The following POLR3B variants were observed in gnomAD, a reference collection of about 807,000 sequenced individuals.
The protein encoded by POLR3B is DNA-directed RNA polymerase III subunit RPC2.
A neutral mutation model predicts 147.4 loss-of-function variants in POLR3B; 96 were observed. The ratio of observed to expected loss-of-function variants is 0.65; its 90% confidence interval spans 0.55 to 0.77. POLR3B has a LOEUF of 0.77. Among genes scored for constraint, POLR3B ranks in the 30% least tolerant of loss-of-function variants. POLR3B has a pLI of 0.00. For synonymous variants in POLR3B, 461 were observed against 485.9 expected, an observed-to-expected ratio of 0.95 and a Z score of 0.67; for missense variants, 1,036 against 1,413.5, an observed-to-expected ratio of 0.73 and a Z score of 4.28.
Position 106,499,379 on chromosome 12 carries a change from C to T in POLR3B, c.2985-1944C>T, listed in dbSNP as rs576493031. The stretch of plus-strand genomic sequence containing the variant: ...TTAGTCTATATCCCAGTCCACACTG[C>T]CTTCCCCTATGCCCCCAGCCAGAGT... On this transcript the variant is annotated intron_variant, in intron 25 of 27. Transcript: ENST00000228347. Among the ~76,000 whole-genome samples the T allele has an allele frequency of 5.9e-5, 9 of 152,320 alleles. No homozygotes were observed. The South Asian group carries it at 1.9e-3, about 32-fold the overall frequency.
intron 9 of POLR3B, among the ~76,000 whole-genome samples, chr12:106,386,032 T>TA (rs1229764751): frequency 1.3e-5 from 2 of 152,196 alleles, no homozygotes. Context: ...TTTATGTACA[T>TA]ACTGATGAAT....
At chr12:106,377,350 GT>G (rs759774595) in intron 7 of POLR3B, among the ~76,000 whole-genome samples, 10 of 152,138 alleles carry the variant, frequency 6.6e-5, no homozygotes, top group Non-Finnish European at 1.5e-4. Context: ...AATCCCAGAA[GT>G]TTTGGAAAGA....
At chr12:106,468,272 G>C (rs2137041845) in intron 23 of POLR3B, among the ~76,000 whole-genome samples, 1 of 152,252 alleles carries the variant, frequency 6.6e-6, no homozygotes, top group South Asian at 2.1e-4. Flanking sequence ...ATGGTAGTTT[G>C]TATTTCTGTG....
chr12:106,436,179 A>G (rs1026910076), intron 16 of POLR3B, among the ~76,000 whole-genome samples: 9 of 152,194 alleles, frequency 5.9e-5, no homozygotes, highest in Non-Finnish European at 8.8e-5. Flanking sequence ...AAAAGTGCTC[A>G]TTAGTCCTCA....
intron 23 of POLR3B, among the ~76,000 whole-genome samples, chr12:106,481,585 T>C (rs1298899689): frequency 2.0e-5 from 3 of 152,262 alleles, no homozygotes; most frequent in Non-Finnish European, 4.4e-5. Flanking sequence ...ACTCTCCTGT[T>C]ACTTTTCTTT....
chr12:106,364,826 A>G (rs1407241655), intron 2 of POLR3B, among the ~76,000 whole-genome samples: 1 of 152,206 alleles, frequency 6.6e-6, no homozygotes, highest in Non-Finnish European at 1.5e-5. Context: ...CATTGTGCTA[A>G]GTGAAAGAAT....
At chr12:106,414,221 TAAA>T (rs5800711) in intron 12 of POLR3B, among the ~76,000 whole-genome samples, 2 of 121,106 alleles carry the variant, frequency 1.7e-5, no homozygotes, top group Admixed American at 9.1e-5. Flanking sequence ...GATACAAAAG[TAAA>T]AAAAAAAAAA....
At chr12:106,467,803 C>T (rs1053419261) in intron 23 of POLR3B, among the ~76,000 whole-genome samples, 6 of 152,092 alleles carry the variant, frequency 3.9e-5, no homozygotes, top group Non-Finnish European at 7.4e-5. Context: ...GGGATGAAGC[C>T]GACTTGATCG....
chr12:106,434,225 C>T (rs1470578016), intron 16 of POLR3B, among the ~76,000 whole-genome samples: 4 of 152,100 alleles, frequency 2.6e-5, no homozygotes, highest in Admixed American at 6.6e-5. Context: ...TTGGATTATT[C>T]TTGTCATTTA....
intron 21 of POLR3B, among the ~76,000 whole-genome samples, chr12:106,458,111 CTTTAT>C (rs985985020): frequency 1.7e-4 from 26 of 151,912 alleles, no homozygotes; most frequent in Non-Finnish European, 3.1e-4. Context: ...TTAGTATTGT[CTTTAT>C]TTTATTTTAT....
At chr12:106,394,764 A>C (rs968972852) in intron 10 of POLR3B, among the ~76,000 whole-genome samples, 3 of 152,234 alleles carry the variant, frequency 2.0e-5, no homozygotes, top group African/African-American at 7.2e-5. Context: ...GATGGAAGGA[A>C]GTTAACATAA....
intron 13 of POLR3B, among the ~76,000 whole-genome samples, chr12:106,429,188 T>A (rs1288825338): frequency 6.6e-6 from 1 of 152,198 alleles, no homozygotes; most frequent in African/African-American, 2.4e-5. Context: ...GGACAGCATC[T>A]TACTTCGAGG....
chr12:106,378,218 C>T, intron 7 of POLR3B, 49 bp from the exon 8 acceptor site: 1 of 1,128,960 alleles, frequency 8.9e-7, no homozygotes, highest in Non-Finnish European at 1.4e-6. Context: ...ACTAAATCAA[C>T]ACTGGTTGAG....
chr12:106,425,041 C>T (rs1050588233), intron 12 of POLR3B, among the ~76,000 whole-genome samples: 1 of 152,068 alleles, frequency 6.6e-6, no homozygotes, highest in African/African-American at 2.4e-5. Flanking sequence ...TGTGGATGAA[C>T]ATATTATCTG....
intron 21 of POLR3B, among the ~76,000 whole-genome samples, chr12:106,458,128 A>C (rs552189798): frequency 6.6e-6 from 1 of 151,942 alleles, no homozygotes. Flanking sequence ...TTATTTTATT[A>C]ATTTTATTTT....
At chr12:106,426,258 G>GTT (rs1555213093) in intron 12 of POLR3B, among the ~76,000 whole-genome samples, 1 of 151,080 alleles carries the variant, frequency 6.6e-6, no homozygotes, top group Non-Finnish European at 1.5e-5. Flanking sequence ...GTGTGTGTGT[G>GTT]TGTGTGTGTT....
chr12:106,502,611 G>A (rs1433700969), intron 26 of POLR3B, among the ~76,000 whole-genome samples: 1 of 152,092 alleles, frequency 6.6e-6, no homozygotes, highest in South Asian at 2.1e-4. Flanking sequence ...CATGCTTGGG[G>A]TTTCATTTTT....
At chr12:106,457,866 G>A (rs561079645) in intron 21 of POLR3B, among the ~76,000 whole-genome samples, 1 of 152,256 alleles carries the variant, frequency 6.6e-6, no homozygotes, top group African/African-American at 2.4e-5. Flanking sequence ...TGGCTTTCCC[G>A]AGGAAGTGAG....
At chr12:106,439,504 G>A (rs1380415827) in intron 18 of POLR3B, among the ~76,000 whole-genome samples, 3 of 152,020 alleles carry the variant, frequency 2.0e-5, no homozygotes, top group South Asian at 2.1e-4. Context: ...AATTAGCCAG[G>A]TGTGGTGATG....
Sources: allele counts gnomAD v4.1 joint callset (sites outside exome capture counted in the v4.1 genomes callset), GRCh38; gene constraint gnomAD v4.1.1; transcripts MANE v1.5; gene names NCBI Gene and HGNC (gene_info 2026-07-23, HGNC 2026-07-21).